Variants in DSP observed in about 807,000 individuals in gnomAD.
DSP encodes 250/210 kDa paraneoplastic pemphigus antigen.
Under a neutral mutation model 290.6 loss-of-function variants are expected in DSP, and 114 were observed. That is an observed-to-expected ratio of 0.39 (90% confidence interval 0.34 to 0.46). The LOEUF is 0.46. Among genes scored for constraint, DSP ranks in the 20% least tolerant of loss-of-function variants. The pLI is 0.99. For missense variants in DSP, 3,230 were observed against 3,495.8 expected, an observed-to-expected ratio of 0.92 and a Z score of 1.92; for synonymous variants, 1,311 against 1,316.4, an observed-to-expected ratio of 1.00 and a Z score of 0.09.
intron 9 of DSP, 21 bp from the exon 10 acceptor site, chr6:7,567,760 G>C: frequency 1.2e-6 from 2 of 1,613,648 alleles, no homozygotes; most frequent in Non-Finnish European, 1.7e-6. Flanking sequence ...TTCATTCACT[G>C]ATCACTCTCA....
chr6:7,572,066 A>AAGGT lies in DSP; in HGVS notation c.2130+4_2130+7dup. On this transcript the variant is annotated frameshift_variant and splice_region_variant, in exon 15 of 24. Coordinates refer to ENST00000379802, the MANE Select transcript of DSP (RefSeq NM_004415.4). LOFTEE classifies it high-confidence loss of function. ...CATCACAGTGAAAATTAACGAGCTT[A>AAGGT]AGGTAGGTATCTGCTAGTATTTTGC... 1 of 1,613,448 alleles carries AAGGT rather than the reference A, an allele frequency of 6.2e-7. No individual in the cohort carries two copies. Among genetic ancestry groups the AAGGT allele is most frequent in the South Asian group, 1.1e-5 (1 of 91,054 alleles).
chr6:7,550,849 A>T (rs1051858087), intron 1 of DSP, among the ~76,000 whole-genome samples: 2 of 151,696 alleles, frequency 1.3e-5, no homozygotes, highest in African/African-American at 2.4e-5. Flanking sequence ...TGCCACTGAA[A>T]TGGGATTTAA....
rs1759437499 is a variant in DSP, at chr6:7,581,417, A to G, written c.5227A>G (p.Ser1743Gly). The G allele has an allele frequency of 6.2e-7, 1 of 1,613,246 alleles. No individual in the cohort carries two copies. Among genetic ancestry groups the G allele is most frequent in the East Asian group, 2.2e-5 (1 of 44,880 alleles). The stretch of plus-strand genomic sequence containing the variant: ...GAGGAGAGGACGAAGCGAAGCGGAC[A>G]GTGATAAAAATGCAACCATCTTGGA... ...DLRRGRSEAD[S>G]DKNATILELR... Residue 1743 changes from serine (S) to glycine (G), a missense_variant, in exon 23 of 24, where the codon AGT becomes GGT. Physicochemically the swap from Ser to Gly is moderately conservative, Grantham distance 56. This residue lies in a region of DSP where 1,714 missense variants were observed against 1,844.5 expected (regional missense o/e 0.93). Coordinates refer to ENST00000379802, the MANE Select transcript of DSP (RefSeq NM_004415.4).
rs766852978 is a variant in DSP, at chr6:7,571,946, A to G, written c.2008A>G (p.Met670Val). 2 of 1,614,198 alleles carry G rather than the reference A, an allele frequency of 1.2e-6. No homozygotes were observed. The change falls in exon 15 of 24, where the codon ATG becomes GTG. Residue 670 changes from methionine (M) to valine (V), a missense_variant. By Grantham distance (21) the Met-to-Val change is conservative. Transcript: ENST00000379802. ...ENDKQETWML[M>V]ELQKIRRQIE... ...TGACAAGCAAGAAACATGGATGCTG[A>G]TGGAGCTGCAGAAGATTCGCAGGCA...
In DSP at chr6:7,580,940, G is replaced by A. The variant is rs191778417; in HGVS notation, c.4750G>A (p.Ala1584Thr). The change falls in exon 23 of 24, where the codon GCG becomes ACG. Residue 1584 changes from alanine to threonine, a missense_variant. This residue lies in a region of DSP where 1,714 missense variants were observed against 1,844.5 expected (regional missense o/e 0.93). Transcript: ENST00000379802. This position sits in a 1 kb window ranked among gnomAD's most constrained non-coding sequence, Gnocchi z 4.2. ...GGAGCTGAATCGGCTGAAGAGGACC[G>A]CGTCAGAAGACTCCTGCAAGAGGAA... ...EEELNRLKRT[A>T]SEDSCKRKKL... The A allele has an allele frequency of 6.4e-5, 103 of 1,614,078 alleles. No homozygotes were observed. The East Asian group carries it at 1.5e-3, about 24-fold the overall frequency.
rs995141588 is a variant in DSP at position 7,568,731 on chromosome 6, A to G, written c.1419+142A>G. 1.1e-5 allele frequency: 10 copies of G among 922,054 alleles called. No individual in the cohort carries two copies. The Middle Eastern group carries it at 1.7e-3, about 152-fold the overall frequency. 57.1% of individuals were successfully genotyped at this position (922,054 alleles called of 1,614,324 possible). ...GATCTATGAAATCAGCAGCTATGGA[A>G]CAAAAGCAGCAGCTCTGTTCTGAAT... On this transcript the variant is annotated intron_variant, in intron 11 of 23. Coordinates refer to ENST00000379802, the MANE Select transcript of DSP (RefSeq NM_004415.4).
rs764641630 is a variant in DSP at position 7,584,549 on chromosome 6, A to G, written c.7287A>G (p.Leu2429=). ...AAGAAAATCTTACCTATCTGCAACT[A>G]AAAGAAAGATGCATTAAGGATGAGG... The part of the protein sequence containing the change: ...NTEENLTYLQ[L]KERCIKDEET... The change falls in exon 24 of 24, where the codon CTA becomes CTG. Residue 2429 remains leucine, a synonymous_variant. Coordinates refer to ENST00000379802, the MANE Select transcript of DSP (RefSeq NM_004415.4). The surrounding 1 kb of genome is among the most constrained non-coding windows in gnomAD (Gnocchi z 6.4). The G allele has an allele frequency of 1.9e-6, 3 of 1,613,984 alleles. No individual in the cohort carries two copies. The East Asian group carries it at 6.7e-5, about 36-fold the overall frequency.
In DSP at chr6:7,582,596, G is replaced by A. The variant is rs1249157640; in HGVS notation, c.5380-46G>A. 13 of 1,496,294 alleles carry A rather than the reference G, an allele frequency of 8.7e-6. No homozygotes were observed. The highest frequency in any genetic ancestry group is 1.2e-5 in the Non-Finnish European group (13 of 1,074,440). 92.7% of individuals were successfully genotyped at this position (1,496,294 alleles called of 1,614,324 possible). The stretch of plus-strand genomic sequence containing the variant: ...TTAAGTCGTGATAGTAATATGATAT[G>A]ATTCAAAACATTATTTTTTCCCATT... On this transcript the variant is annotated intron_variant, in intron 23 of 23. Transcript: ENST00000379802. This position sits in a 1 kb window ranked among gnomAD's most constrained non-coding sequence, Gnocchi z 4.2.
In DSP at chr6:7,567,835, A is replaced by T; in HGVS notation, c.1195A>T (p.Ile399Phe). The stretch of plus-strand genomic sequence containing the variant: ...ATACCTGAAGGGGCTCCAGGACTCC[A>T]TCAGGAAGAAGTACCCCTGCGACAA... ...EAYLKGLQDSIRKKYPCDKNM... is the reference protein window; with the variant it reads ...EAYLKGLQDSFRKKYPCDKNM... Residue 399 changes from isoleucine (I) to phenylalanine (F), a missense_variant, in exon 10 of 24, where the codon ATC (isoleucine) becomes TTC (phenylalanine). Physicochemically the swap from Ile to Phe is conservative, Grantham distance 21. This residue lies in a region of DSP where 646 missense variants were observed against 684.3 expected (regional missense o/e 0.94). Transcript: ENST00000379802. 1 of 1,614,106 alleles carries T rather than the reference A, an allele frequency of 6.2e-7. No homozygotes were observed. Among genetic ancestry groups the T allele is most frequent in the African/African-American group, 1.3e-5 (1 of 75,056 alleles).
At position 7,581,119 on chromosome 6, in the gene DSP, C is replaced by A; in HGVS notation, c.4929C>A (p.His1643Gln). ...AGCAGAGGGACGTGCTGGATGGCCACCTGAGGGAAAAGCAGAGGACCCAGG... is the reference window on the plus strand; with the variant it reads ...AGCAGAGGGACGTGCTGGATGGCCAACTGAGGGAAAAGCAGAGGACCCAGG... ...LRQQRDVLDG[H>Q]LREKQRTQEE... The change falls in exon 23 of 24, where the codon CAC becomes CAA. Residue 1643 changes from histidine to glutamine, a missense_variant. Transcript: ENST00000379802. 6.2e-7 allele frequency: 1 copy of A among 1,614,014 alleles called. No homozygotes were observed. Among genetic ancestry groups the A allele is most frequent in the East Asian group, 2.2e-5 (1 of 44,878 alleles).
intron 1 of DSP, among the ~76,000 whole-genome samples, chr6:7,552,313 T>C (rs1028151406): frequency 6.6e-6 from 1 of 151,778 alleles, no homozygotes; most frequent in African/African-American, 2.4e-5. Flanking sequence ...CCTAACACTT[T>C]GGGAGGCCGA....
intron 19 of DSP, 45 bp downstream of exon 19, chr6:7,576,501 G>A: frequency 6.2e-7 from 1 of 1,610,432 alleles, no homozygotes; most frequent in Admixed American, 1.7e-5. Context: ...AGATTAATTG[G>A]GTGTAATTCA....
chr6:7,578,473 G>A lies in DSP; in HGVS notation c.2995G>A (p.Val999Ile), dbSNP rs1261418744. The change falls in exon 22 of 24, where the codon GTT (valine) becomes ATT (isoleucine). Residue 999 changes from valine to isoleucine, a missense_variant. Physicochemically the swap from Val to Ile is conservative, Grantham distance 29. Coordinates refer to ENST00000379802, the MANE Select transcript of DSP (RefSeq NM_004415.4). The part of the protein sequence containing the change: ...SGVILQEAAD[V>I]HARYIELLTR... ...CTTCCTTTTCTCCAAGGCTGCAGAT[G>A]TTCATGCTCGGTACATTGAACTACT... 6 of 1,613,216 alleles carry A rather than the reference G, an allele frequency of 3.7e-6. No individual in the cohort carries two copies. In the African/African-American group the frequency reaches 5.3e-5, roughly 14 times the overall value.
In DSP at chr6:7,562,130, G is replaced by T. The variant is rs1004773176; in HGVS notation, c.598-522G>T. 4.6e-5 allele frequency among the ~76,000 whole-genome samples: 7 copies of T among 152,118 alleles called. 1 individual carries two copies. Among genetic ancestry groups the T allele is most frequent in the Admixed American group, 2.0e-4 (3 of 15,266 alleles). On this transcript the variant is annotated intron_variant, in intron 4 of 23. Coordinates refer to ENST00000379802, the MANE Select transcript of DSP (RefSeq NM_004415.4). ...GAGTTTTGCATCCTAAAAGGGAATG[G>T]TATATCCTGGATTTTAAAAAGCCAA...
chr6:7,561,953 A>C (rs1758705941), intron 4 of DSP, among the ~76,000 whole-genome samples: 1 of 152,158 alleles, frequency 6.6e-6, no homozygotes, highest in Non-Finnish European at 1.5e-5. Context: ...TTATTGTGAA[A>C]CATTCTTAAA....
intron 1 of DSP, among the ~76,000 whole-genome samples, chr6:7,548,413 A>T (rs902503792): frequency 1.3e-5 from 2 of 152,194 alleles, no homozygotes; most frequent in East Asian, 3.9e-4. Flanking sequence ...TACCTGTCAC[A>T]GAGGCAGAAG....
In DSP at chr6:7,583,047, G is replaced by A. The variant is rs1044309736; in HGVS notation, c.5785G>A (p.Glu1929Lys). 2 of 1,613,964 alleles carry A rather than the reference G, an allele frequency of 1.2e-6. No individual in the cohort carries two copies. Among genetic ancestry groups the A allele is most frequent in the African/African-American group, 2.7e-5 (2 of 74,900 alleles). The stretch of plus-strand genomic sequence containing the variant: ...TACCAGGGAGACACAGTCACAGTTA[G>A]AAACAGAACGCTCCCGATATCAGAG... ...DSTRETQSQL[E>K]TERSRYQREI... The change falls in exon 24 of 24, where the codon GAA becomes AAA. Residue 1929 changes from glutamate (E) to lysine (K), a missense_variant. By Grantham distance (56) the Glu-to-Lys change is moderately conservative (BLOSUM62 1). Around this residue, in one of 5 missense-constraint regions of DSP, gnomAD observed 1,714 missense variants for 1,844.5 expected, o/e 0.93. Transcript: ENST00000379802. The surrounding 1 kb of genome is among the most constrained non-coding windows in gnomAD (Gnocchi z 4.0).
chr6:7,580,926 G>A lies in DSP; in HGVS notation c.4736G>A (p.Arg1579Gln), dbSNP rs397516942. 41 of 1,614,038 alleles carry A rather than the reference G, an allele frequency of 2.5e-5. No individual in the cohort carries two copies. The highest frequency in any genetic ancestry group is 1.3e-4 in the East Asian group (6 of 44,896). The change falls in exon 23 of 24, where the codon CGG becomes CAG. Residue 1579 changes from arginine (R) to glutamine (Q), a missense_variant. Arg to Gln is a conservative substitution (Grantham distance 43). This residue lies in a region of DSP where 1,714 missense variants were observed against 1,844.5 expected (regional missense o/e 0.93). Transcript: ENST00000379802. This position sits in a 1 kb window ranked among gnomAD's most constrained non-coding sequence, Gnocchi z 4.2. ...CAGAAGGTGGAAGAGGAGCTGAATC[G>A]GCTGAAGAGGACCGCGTCAGAAGAC... ...QKQKVEEELNRLKRTASEDSC... is the reference protein window; with the variant it reads ...QKQKVEEELNQLKRTASEDSC...
chr6:7,558,030 A>G, intron 2 of DSP, 86 bp from the exon 3 acceptor site: 1 of 1,500,498 alleles, frequency 6.7e-7, no homozygotes, highest in Non-Finnish European at 9.3e-7. Context: ...TCATGTTTAC[A>G]GTGGAAGCTC....
Sources: gnomAD v4.1 joint callset for allele counts (sites outside exome capture counted in the v4.1 genomes callset) on GRCh38, gnomAD v4.1.1 for gene constraint, gnomAD v4.1.1 regional missense constraint, Gnocchi (gnomAD v3.1) non-coding constraint, MANE v1.5 for transcripts, NCBI Gene and HGNC (gene_info 2026-07-23, HGNC 2026-07-21) for gene names.